GPC6: variants seen among roughly 807,000 people sequenced by gnomAD.
GPC6 encodes the protein glypican 6.
In GPC6, 14 loss-of-function variants were observed where a neutral mutation model predicts 55.2. That is an observed-to-expected ratio of 0.25 (90% CI 0.17 to 0.40). The LOEUF (loss-of-function observed/expected upper bound fraction) is 0.40, where lower values mean the gene tolerates loss of function less well. GPC6 is among the 10% of genes least tolerant of loss of function. The pLI, the probability that GPC6 is intolerant of heterozygous loss-of-function variation, is 1.00. For missense variants in GPC6, 641 were observed against 708.5 expected, an observed-to-expected ratio of 0.90 and a Z score of 1.08; for synonymous variants, 278 against 259.6, an observed-to-expected ratio of 1.07 and a Z score of -0.68.
intron 4 of GPC6, among the ~76,000 whole-genome samples, chr13:94,168,640 C>T (rs923247078): frequency 2.7e-5 from 4 of 148,334 alleles, no homozygotes; most frequent in Non-Finnish European, 5.9e-5. Context: ...TATATTTTAT[C>T]TACATATTTA....
intron 4 of GPC6, among the ~76,000 whole-genome samples, chr13:94,192,761 T>C (rs1034144597): frequency 6.6e-6 from 1 of 152,138 alleles, no homozygotes; most frequent in African/African-American, 2.4e-5. Flanking sequence ...ACAGAGAACA[T>C]TACTGCGCAC....
intron 4 of GPC6, among the ~76,000 whole-genome samples, chr13:94,119,516 T>G (rs1337396763): frequency 1.3e-5 from 2 of 152,088 alleles, no homozygotes; most frequent in Non-Finnish European, 2.9e-5. Context: ...GTGCAAAGCC[T>G]GGAGACAGGA....
intron 4 of GPC6, among the ~76,000 whole-genome samples, chr13:94,126,246 A>G (rs1401638321): frequency 2.0e-5 from 3 of 152,112 alleles, no homozygotes; most frequent in Non-Finnish European, 4.4e-5. Flanking sequence ...AGTTGGGTGC[A>G]GTGGCACTTG....
chr13:93,391,763 G>A (rs115281776), intron 1 of GPC6, among the ~76,000 whole-genome samples: 2 of 152,022 alleles, frequency 1.3e-5, no homozygotes, highest in African/African-American at 2.4e-5. Context: ...ATACTAAGGG[G>A]CACTTATCTT....
rs115423902 is a variant in GPC6 at position 94,349,023 on chromosome 13, G to A, written c.1153-33391G>A. On this transcript the variant is annotated intron_variant, in intron 6 of 8. Transcript: ENST00000377047. The stretch of plus-strand genomic sequence containing the variant: ...TGTTTTAACAAATACATGTGCCTAC[G>A]ATGGACCAGGCACATAGTGATGAAT... Among the ~76,000 whole-genome samples the A allele has an allele frequency of 5.9e-3, 904 of 152,192 alleles. 9 individuals are homozygous for A. The highest frequency in any genetic ancestry group is 0.021 in the African/African-American group (853 of 41,508).
At chr13:93,457,159 G>A (rs1878484507) in intron 1 of GPC6, among the ~76,000 whole-genome samples, 1 of 152,102 alleles carries the variant, frequency 6.6e-6, no homozygotes. Flanking sequence ...TAAATTACCA[G>A]TCTCAGGTAT....
At chr13:93,231,313 TCA>T (rs1875995135) in intron 1 of GPC6, among the ~76,000 whole-genome samples, 1 of 118,188 alleles carries the variant, frequency 8.5e-6, no homozygotes, top group East Asian at 2.7e-4. Context: ...TTTCCTCATT[TCA>T]TATATATATA....
intron 4 of GPC6, among the ~76,000 whole-genome samples, chr13:94,160,420 G>A (rs1225085589): frequency 1.3e-5 from 2 of 152,184 alleles, no homozygotes; most frequent in African/African-American, 4.8e-5. Flanking sequence ...GCATTTACAA[G>A]CACCAGGGCC....
intron 4 of GPC6, among the ~76,000 whole-genome samples, chr13:94,168,738 T>C (rs920186496): frequency 4.7e-5 from 7 of 148,642 alleles, no homozygotes; most frequent in Non-Finnish European, 1.0e-4. Context: ...TATATAATTA[T>C]ATTTTACAAC....
At chr13:93,903,909 G>A (rs1439811216) in intron 3 of GPC6, among the ~76,000 whole-genome samples, 1 of 151,912 alleles carries the variant, frequency 6.6e-6, no homozygotes, top group East Asian at 1.9e-4. Flanking sequence ...GTCTTTCCCT[G>A]TGTGTAGTAT....
chr13:94,261,401 A>G (rs1891654633), intron 4 of GPC6, among the ~76,000 whole-genome samples: 1 of 152,208 alleles, frequency 6.6e-6, no homozygotes, highest in Non-Finnish European at 1.5e-5. Flanking sequence ...AGCAAGTGCT[A>G]TGTTCTCTTT....
intron 1 of GPC6, among the ~76,000 whole-genome samples, chr13:93,234,015 C>G (rs1030843611): frequency 1.2e-4 from 19 of 152,200 alleles, no homozygotes; most frequent in South Asian, 4.1e-4. Context: ...GATTTTTAAC[C>G]ATTTAGAGCA....
chr13:93,814,202 C>T (rs1886779590), intron 2 of GPC6, among the ~76,000 whole-genome samples: 1 of 152,112 alleles, frequency 6.6e-6, no homozygotes, highest in Non-Finnish European at 1.5e-5. Flanking sequence ...CCTGGTCCTT[C>T]ACTTCTTATT....
At chr13:94,091,908 T>TTTGTG (rs1885495237) in intron 4 of GPC6, among the ~76,000 whole-genome samples, 1 of 148,392 alleles carries the variant, frequency 6.7e-6, no homozygotes, top group Non-Finnish European at 1.5e-5. Context: ...GTGTGTGTGT[T>TTTGTG]TGTGTGTGTG....
At chr13:93,561,920 A>T (rs182387891) in intron 2 of GPC6, among the ~76,000 whole-genome samples, 43 of 152,042 alleles carry the variant, frequency 2.8e-4, no homozygotes, top group African/African-American at 1.0e-3. Flanking sequence ...TTGCATGGGG[A>T]CTTTCACCTT....
intron 7 of GPC6, among the ~76,000 whole-genome samples, chr13:94,383,597 T>A (rs1880273631): frequency 6.6e-6 from 1 of 152,194 alleles, no homozygotes. Flanking sequence ...TGGCTATTAA[T>A]ATAAAGTGCA....
chr13:93,432,832 G>A (rs191814412), intron 1 of GPC6, among the ~76,000 whole-genome samples: 1 of 151,958 alleles, frequency 6.6e-6, no homozygotes, highest in Admixed American at 6.6e-5. Flanking sequence ...ATTTCTGAGG[G>A]TGAGGACAGC....
At chr13:93,277,637 C>CA (rs1877802305) in intron 1 of GPC6, among the ~76,000 whole-genome samples, 1 of 152,076 alleles carries the variant, frequency 6.6e-6, no homozygotes, top group African/African-American at 2.4e-5. Flanking sequence ...ACTCTGTGGA[C>CA]AAAGACAGTG....
rs190238330 is a variant in GPC6, at chr13:94,161,492, A to G, written c.878-124857A>G. Among the ~76,000 whole-genome samples, 26 of 152,316 alleles carry G rather than the reference A, an allele frequency of 1.7e-4. No individual in the cohort carries two copies. In the East Asian group the frequency reaches 4.6e-3, roughly 27 times the overall value. On this transcript the variant is annotated intron_variant, in intron 4 of 8. Coordinates refer to ENST00000377047, the MANE Select transcript of GPC6 (RefSeq NM_005708.5). ...TTACATGTCTTATTAGCATGTTGAC[A>G]TATATTTTTAACAAGACTTGGTATT...
Sources: allele counts gnomAD v4.1 joint callset (sites outside exome capture counted in the v4.1 genomes callset), GRCh38; gene constraint gnomAD v4.1.1; transcripts MANE v1.5; gene names NCBI Gene and HGNC (gene_info 2026-07-23, HGNC 2026-07-21).